HAP1: variants seen among roughly 807,000 people sequenced by gnomAD.
HAP1 encodes huntingtin-associated protein 1.
Under a neutral mutation model 60.3 loss-of-function variants are expected in HAP1, and 59 were observed. The observed-to-expected ratio is 0.98, with a 90% CI of 0.79 to 1.22. HAP1 has a LOEUF of 1.22. Among genes scored for constraint, HAP1 ranks in the 50% most tolerant of loss-of-function variants. The pLI, the probability that HAP1 is intolerant of heterozygous loss-of-function variation, is 0.00. For missense variants in HAP1, 825 were observed against 785.3 expected, an observed-to-expected ratio of 1.05 and a Z score of -0.60; for synonymous variants, 346 against 330.6, an observed-to-expected ratio of 1.05 and a Z score of -0.50.
chr17:41,731,298 A>C (rs1414340365), intron 6 of HAP1, among the ~76,000 whole-genome samples, 195 bp downstream of exon 6: 1 of 152,174 alleles, frequency 6.6e-6, no homozygotes, highest in African/African-American at 2.4e-5. Flanking sequence ...TAAACCCTGG[A>C]GAGATCAGTG....
downstream of HAP1, among the ~76,000 whole-genome samples, chr17:41,719,340 G>A (rs1466982750): frequency 2.0e-5 from 3 of 152,084 alleles, no homozygotes; most frequent in African/African-American, 4.8e-5. Context: ...TGGATTGAAT[G>A]GACCATTTTA....
Position 41,723,519 on chromosome 17 carries a change from T to G in HAP1, c.*1182A>C, listed in dbSNP as rs1385522452. 6.5e-6 allele frequency: 1 copy of G among 152,818 alleles called. No individual in the cohort carries two copies. Among genetic ancestry groups the G allele is most frequent in the Non-Finnish European group, 1.5e-5 (1 of 68,208 alleles). The allele number at this position is 152,818 out of a possible 1,614,324, so 9.5% of individuals were successfully genotyped here. A position where few individuals can be genotyped will look rare whatever the true frequency, so the allele number is the denominator to read the frequency against. ...AGCTGTCTGTGGGGCCTCTGCAGGCTGCTGGGGAACAGCAAAGCCTGGAAG... is the reference window on the plus strand; with the variant it reads ...AGCTGTCTGTGGGGCCTCTGCAGGCGGCTGGGGAACAGCAAAGCCTGGAAG... On this transcript the variant is annotated 3_prime_UTR_variant, in exon 11 of 11. Transcript: ENST00000347901.
intron 6 of HAP1, among the ~76,000 whole-genome samples, chr17:41,729,945 A>G (rs1283938946): frequency 2.2e-5 from 3 of 139,156 alleles, no homozygotes; most frequent in Non-Finnish European, 4.6e-5. Flanking sequence ...AAGCTGAGGC[A>G]GGAGAATCAC....
At chr17:41,732,907 G>C in intron 1 of HAP1, 109 bp from the exon 2 acceptor site, 3 of 731,764 alleles carry the variant, frequency 4.1e-6, no homozygotes, top group Middle Eastern at 3.7e-4. Context: ...CTCCAACAAG[G>C]GTCATCGGGA....
At chr17:41,718,883 T>C (rs1275490826), downstream of HAP1, among the ~76,000 whole-genome samples, 1 of 151,862 alleles carries the variant, frequency 6.6e-6, no homozygotes, top group Non-Finnish European at 1.5e-5. Context: ...AGACTATTTA[T>C]GCTCTGAACA....
In HAP1 at chr17:41,732,020, TTCC is replaced by T. The variant is rs781934555; in HGVS notation, c.810_812del (p.Glu272del). ...CCTGTTCCTCTTCTGCCTCCTTTTCTTCCTCCTCCTCTTCTTCATCCTCATCCT... is the reference window on the plus strand; with the variant it reads ...CCTGTTCCTCTTCTGCCTCCTTTTCTTCCTCCTCTTCTTCATCCTCATCCT... On this transcript the variant is annotated inframe_deletion, in exon 4 of 11. Transcript: ENST00000347901. The T allele has an allele frequency of 5.3e-6, 8 of 1,504,748 alleles. No individual in the cohort carries two copies. Among genetic ancestry groups the T allele is most frequent in the Middle Eastern group, 1.7e-4 (1 of 5,822 alleles). The allele number at this position is 1,504,748 out of a possible 1,614,324, so 93.2% of individuals were successfully genotyped here. A position where few individuals can be genotyped will look rare whatever the true frequency, so the allele number is the denominator to read the frequency against.
At chr17:41,719,700 A>G (rs914496200), downstream of HAP1, among the ~76,000 whole-genome samples, 1 of 152,066 alleles carries the variant, frequency 6.6e-6, no homozygotes, top group Non-Finnish European at 1.5e-5. Context: ...CTCAAAAAAA[A>G]AAAAGGCAAT....
At chr17:41,721,169 A>G (rs1911185913), downstream of HAP1, 2 of 152,198 alleles carry the variant, frequency 1.3e-5, no homozygotes, top group Admixed American at 1.3e-4. Flanking sequence ...CACAGCAATA[A>G]TCTTCTCAAT....
chr17:41,729,978 G>A (rs1383037826), intron 6 of HAP1: 1 of 131,552 alleles, frequency 7.6e-6, no homozygotes, highest in Non-Finnish European at 1.6e-5. Flanking sequence ...GGCAGGGGTT[G>A]CAGTGAGCCA....
intron 6 of HAP1, chr17:41,730,104 AAAAGAAAAG>A (rs869165134): frequency 0.33 from 7,368 of 22,276 alleles, 3,051 homozygotes; most frequent in Middle Eastern, 0.52. Flanking sequence ...AAAAGAAAAG[AAAAGAAAAG>A]AAAGAAAGAA....
chr17:41,727,098 G>C lies in HAP1; in HGVS notation c.1322C>G (p.Thr441Arg). ...FQETLAEELRTSLRRMISDPV... is the reference protein window; with the variant it reads ...FQETLAEELRRSLRRMISDPV... ...GTCTGAGATCATCCTCCTTAGAGAC[G>C]TTCTGAGCTCCTCAGCCAGCGTCTC... Residue 441 changes from threonine to arginine, a missense_variant, in exon 9 of 11, where the codon ACG becomes AGG. Coordinates refer to ENST00000347901, the MANE Select transcript of HAP1 (RefSeq NM_177977.3). 6.3e-7 allele frequency: 1 copy of C among 1,590,328 alleles called. No homozygotes were observed. The highest frequency in any genetic ancestry group is 2.2e-5 in the East Asian group (1 of 44,534).
At chr17:41,732,565 C>G in intron 2 of HAP1, 154 bp downstream of exon 2, 1 of 966,754 alleles carries the variant, frequency 1.0e-6, no homozygotes, top group Non-Finnish European at 1.6e-6. Context: ...GAGAGCTCTT[C>G]CAGCCTGAAC....
chr17:41,734,646 C>A (rs554397802), upstream of HAP1: 22 of 1,469,594 alleles, frequency 1.5e-5, no homozygotes, highest in South Asian at 1.2e-4. Flanking sequence ...TCGAGTCTGC[C>A]GTCCGCTGCT....
At chr17:41,718,439 G>T (rs1555586401), downstream of HAP1, among the ~76,000 whole-genome samples, 1 of 152,116 alleles carries the variant, frequency 6.6e-6, no homozygotes, top group Non-Finnish European at 1.5e-5. Flanking sequence ...TGCCCCCCTG[G>T]GCTGCCATGT....
chr17:41,733,419 G>A (rs1912423200), intron 1 of HAP1, among the ~76,000 whole-genome samples: 1 of 133,164 alleles, frequency 7.5e-6, no homozygotes, highest in Admixed American at 8.8e-5. Context: ...AGTCCTCCAG[G>A]CTCAGAAACT....
chr17:41,729,544 C>T, intron 6 of HAP1, among the ~76,000 whole-genome samples: 1 of 22,388 alleles, frequency 4.5e-5, no homozygotes, highest in Non-Finnish European at 8.6e-5. Context: ...AGGGAGCCTC[C>T]TTCTCAAAAA....
downstream of HAP1, chr17:41,722,384 A>G (rs1911259157): frequency 6.6e-6 from 1 of 152,150 alleles, no homozygotes. Flanking sequence ...GGGAAGCATG[A>G]GCTCAAATCC....
chr17:41,727,941 C>T (rs1911810634), intron 7 of HAP1, 105 bp from the exon 8 acceptor site: 1 of 759,944 alleles, frequency 1.3e-6, no homozygotes, highest in South Asian at 1.6e-5. Context: ...TCCTTGGCAG[C>T]CCATGAAATG....
Position 41,724,905 on chromosome 17 carries a change from C to A in HAP1, c.1656G>T (p.Arg552=), listed in dbSNP as rs1555588306. 1 of 1,613,626 alleles carries A rather than the reference C, an allele frequency of 6.2e-7. No homozygotes were observed. ...CCAGGGCTGATGTCACCACGTTCATCCGCGTTGCCTCATCCAGCTCCAGTT... is the reference window on the plus strand; with the variant it reads ...CCAGGGCTGATGTCACCACGTTCATACGCGTTGCCTCATCCAGCTCCAGTT... ...EVELELDEAT[R]MNVVTSALEA... Residue 552 remains arginine (R), a synonymous_variant, in exon 11 of 11, where the codon CGG becomes CGT. Coordinates refer to ENST00000347901, the MANE Select transcript of HAP1 (RefSeq NM_177977.3).
Sources: allele counts gnomAD v4.1 joint callset (sites outside exome capture counted in the v4.1 genomes callset), GRCh38; gene constraint gnomAD v4.1.1; transcripts MANE v1.5; gene names NCBI Gene and HGNC (gene_info 2026-07-23, HGNC 2026-07-21).